The following ADGRG7 variants were observed in gnomAD, a reference collection of about 807,000 sequenced individuals.
ADGRG7 encodes G-protein coupled receptor 128.
ADGRG7 carries 82 observed loss-of-function variants against 88.6 expected under a neutral mutation model. The observed-to-expected ratio is 0.93, with a 90% CI of 0.77 to 1.11. The LOEUF is 1.11. Among genes scored for constraint, ADGRG7 ranks in the 50% most tolerant of loss-of-function variants. ADGRG7 has a pLI of 0.00. For synonymous variants in ADGRG7, 381 were observed against 345.2 expected (o/e 1.10, Z -1.15); for missense variants, 945 against 953.4 (o/e 0.99, Z 0.12).
At chr3:100,611,294 TCC>T in intron 1 of ADGRG7, among the ~76,000 whole-genome samples, 7 of 143,804 alleles carry the variant, frequency 4.9e-5, no homozygotes, top group African/African-American at 1.9e-4. Flanking sequence ...CTTCCTTCCT[TCC>T]TTCCTTTCTT....
intron 11 of ADGRG7, chr3:100,654,072 A>C (rs981867919): frequency 6.6e-6 from 1 of 152,222 alleles, no homozygotes; most frequent in African/African-American, 2.4e-5. Context: ...GAATCCACGG[A>C]TACCTCCTCG....
At chr3:100,665,210 A>G in intron 14 of ADGRG7, 2 of 540,116 alleles carry the variant, frequency 3.7e-6, no homozygotes, top group South Asian at 1.4e-5. Context: ...AGGACTGGAG[A>G]AAATAAAGCA....
In ADGRG7 at chr3:100,643,550, G is replaced by T; in HGVS notation, c.863G>T (p.Ser288Ile). The change falls in exon 8 of 16, where the codon AGT (serine) becomes ATT (isoleucine). Residue 288 changes from serine (S) to isoleucine (I), a missense_variant. By Grantham distance (142) the Ser-to-Ile change is moderately radical. Transcript: ENST00000273352. ...QKGASSSLVSSSTFIHTNVDG... is the reference protein window; with the variant it reads ...QKGASSSLVSISTFIHTNVDG... ...GGAGCTAGCAGTTCTCTAGTTTCTAGTTCAACATTTATACATACAAATGTG... is the reference window on the plus strand; with the variant it reads ...GGAGCTAGCAGTTCTCTAGTTTCTATTTCAACATTTATACATACAAATGTG... 2 of 1,613,616 alleles carry T rather than the reference G, an allele frequency of 1.2e-6. No individual in the cohort carries two copies. The highest frequency in any genetic ancestry group is 1.7e-6 in the Non-Finnish European group (2 of 1,179,800).
chr3:100,659,439 CAAAAAAAA>C (rs373835556), intron 13 of ADGRG7, among the ~76,000 whole-genome samples: 50 of 80,862 alleles, frequency 6.2e-4, no homozygotes, highest in Middle Eastern at 9.1e-3. Flanking sequence ...GACTCAGTCT[CAAAAAAAA>C]AAAAAAAAAA....
intron 15 of ADGRG7, among the ~76,000 whole-genome samples, chr3:100,688,495 C>A (rs2094987229): frequency 6.6e-6 from 1 of 152,190 alleles, no homozygotes. Flanking sequence ...ATCTTTCCTG[C>A]TTTCTCTTGT....
intron 1 of ADGRG7, among the ~76,000 whole-genome samples, chr3:100,613,567 G>A (rs1356856832): frequency 6.6e-6 from 1 of 151,982 alleles, no homozygotes; most frequent in Non-Finnish European, 1.5e-5. Context: ...TTAAAGGGAA[G>A]GGATTTTTAA....
intron 15 of ADGRG7, among the ~76,000 whole-genome samples, chr3:100,678,833 C>A (rs1432922620): frequency 1.3e-5 from 2 of 152,172 alleles, no homozygotes; most frequent in Non-Finnish European, 1.5e-5. Flanking sequence ...TCTCTCTGTG[C>A]TGAGCTAGCC....
Position 100,643,598 on chromosome 3 carries a change from AG to A in ADGRG7, c.912del (p.Thr305LeufsTer9), listed in dbSNP as rs1275795138. The A allele has an allele frequency of 1.9e-6, 3 of 1,613,784 alleles. No homozygotes were observed. The highest frequency in any genetic ancestry group is 2.5e-6 in the Non-Finnish European group (3 of 1,179,868). ...TNVDGLNPDAQTELQVLLNMT... is the reference protein window; with the variant it reads ...TNVDGLNPDAXTELQVLLNMT... Reference sequence around the variant, plus strand: ...GTGGATGGCCTTAACCCAGATGCACAGACTGAGCTTCAGGTCTTGCTTAATA... The same window carrying A: ...GTGGATGGCCTTAACCCAGATGCACAACTGAGCTTCAGGTCTTGCTTAATA... On this transcript the variant is annotated frameshift_variant, in exon 8 of 16. Transcript: ENST00000273352. LOFTEE classifies it high-confidence loss of function.
chr3:100,687,495 AT>A (rs1051445418), intron 15 of ADGRG7, among the ~76,000 whole-genome samples: 1 of 152,174 alleles, frequency 6.6e-6, no homozygotes, highest in Non-Finnish European at 1.5e-5. Context: ...CCCATTCAGT[AT>A]GATATTGGCT....
intron 15 of ADGRG7, among the ~76,000 whole-genome samples, chr3:100,678,172 A>C (rs1428144069): frequency 6.6e-6 from 1 of 151,540 alleles, no homozygotes; most frequent in Non-Finnish European, 1.5e-5. Context: ...CTTCAAGCTC[A>C]CTCATTCTTT....
intron 14 of ADGRG7, among the ~76,000 whole-genome samples, chr3:100,666,952 A>T (rs2094952573): frequency 6.6e-6 from 1 of 152,190 alleles, no homozygotes; most frequent in South Asian, 2.1e-4. Flanking sequence ...TGTTTCAGAG[A>T]GCACGGGGTT....
At chr3:100,654,239 C>T (rs2094934433) in intron 11 of ADGRG7, 2 of 152,178 alleles carry the variant, frequency 1.3e-5, no homozygotes, top group Non-Finnish European at 2.9e-5. Flanking sequence ...TTTTATGTTC[C>T]CCAGGCACTT....
chr3:100,616,802 C>A (rs1707232131), intron 1 of ADGRG7, among the ~76,000 whole-genome samples: 1 of 152,172 alleles, frequency 6.6e-6, no homozygotes, highest in South Asian at 2.1e-4. Context: ...ACCTGGGTGA[C>A]AGAGGGAGAT....
chr3:100,666,834 A>C (rs941728018), intron 14 of ADGRG7, among the ~76,000 whole-genome samples: 18 of 152,180 alleles, frequency 1.2e-4, no homozygotes, highest in Admixed American at 7.9e-4. Context: ...ACTTGAGATT[A>C]GGGAGTGGTG....
chr3:100,694,515 C>T (rs72917321), intron 15 of ADGRG7, among the ~76,000 whole-genome samples: 1,560 of 152,220 alleles, frequency 0.01, 26 homozygotes, highest in African/African-American at 0.036. Flanking sequence ...GACCTGAACT[C>T]GGGTCTTCTA....
chr3:100,615,802 C>T (rs895384301), intron 1 of ADGRG7, among the ~76,000 whole-genome samples: 2 of 152,142 alleles, frequency 1.3e-5, no homozygotes, highest in Non-Finnish European at 2.9e-5. Flanking sequence ...TGAGGGGCAG[C>T]AAGCACTGGT....
rs538762648 is a variant in ADGRG7 at position 100,646,574 on chromosome 3, C to T, written c.1116C>T (p.Asn372=). Residue 372 remains asparagine (N), a synonymous_variant, in exon 10 of 16, where the codon AAC becomes AAT. Coordinates refer to ENST00000273352, the MANE Select transcript of ADGRG7 (RefSeq NM_032787.3). ...SVDMVFSPKY[N]QKEFQLYSYA... ...ATTGTCTTATCAATTCATAGTACAA[C>T]CAAAAAGAATTTCAACTCTATTCCT... The T allele has an allele frequency of 8.1e-6, 13 of 1,611,840 alleles. No homozygotes were observed. In the South Asian group the frequency reaches 1.4e-4, roughly 18 times the overall value.
At chr3:100,624,708 T>C (rs539832500) in intron 1 of ADGRG7, among the ~76,000 whole-genome samples, 1 of 152,290 alleles carries the variant, frequency 6.6e-6, no homozygotes, top group African/African-American at 2.4e-5. Context: ...GAGTTAATTT[T>C]TGTATAAGGA....
chr3:100,619,605 C>T lies in ADGRG7; in HGVS notation c.115+9634C>T, dbSNP rs980146953. 3.4e-3 allele frequency among the ~76,000 whole-genome samples: 521 copies of T among 152,162 alleles called. 3 individuals carry two copies. The highest frequency in any genetic ancestry group is 0.012 in the African/African-American group (504 of 41,512). On this transcript the variant is annotated intron_variant, in intron 1 of 15. Coordinates refer to ENST00000273352, the MANE Select transcript of ADGRG7 (RefSeq NM_032787.3). ...AGACACAAAAAACCCTTCAAAAAAT[C>T]AATGAATCCAGGAGCTGGTTTTTTG...
Sources: gnomAD v4.1 joint callset for allele counts (sites outside exome capture counted in the v4.1 genomes callset) on GRCh38, gnomAD v4.1.1 for gene constraint, MANE v1.5 for transcripts, NCBI Gene and HGNC (gene_info 2026-07-23, HGNC 2026-07-21) for gene names.